The following GRIP1 variants were observed in gnomAD, a reference collection of about 807,000 sequenced individuals.
The protein encoded by GRIP1 is glutamate receptor-interacting protein 1.
A neutral mutation model predicts 129.9 loss-of-function variants in GRIP1; 45 were observed. The ratio of observed to expected loss-of-function variants is 0.35; its 90% confidence interval spans 0.27 to 0.44. The LOEUF is 0.44. Among genes scored for constraint, GRIP1 ranks in the 20% least tolerant of loss-of-function variants. The pLI, the probability that GRIP1 is intolerant of heterozygous loss-of-function variation, is 1.00. For missense variants in GRIP1, 1,196 were observed against 1,396.8 expected (o/e 0.86, Z 2.29); for synonymous variants, 530 against 520.8 (o/e 1.02, Z -0.24).
At chr12:66,845,268 C>T (rs1043980496) in intron 1 of GRIP1, among the ~76,000 whole-genome samples, 3 of 152,078 alleles carry the variant, frequency 2.0e-5, no homozygotes, top group Admixed American at 6.6e-5. Flanking sequence ...ACCAGCCTGG[C>T]CAACATGGTA....
At chr12:66,957,850 T>C (rs1014183979) in intron 1 of GRIP1, among the ~76,000 whole-genome samples, 2 of 152,200 alleles carry the variant, frequency 1.3e-5, no homozygotes, top group East Asian at 1.9e-4. Flanking sequence ...GAAGTCACTA[T>C]GTGTAAACCA....
rs71436016 is a variant in GRIP1 at position 66,602,848 on chromosome 12, C to CTTTTTTTT, written c.56-5929_56-5922dup. On this transcript the variant is annotated intron_variant, in intron 1 of 24. Transcript: ENST00000359742. ...ATTCCTAAAGGGACCAGATCTTTTGCTTTTTTTTTTTTTTTTTTTTTTTTT... is the reference window on the plus strand; with the variant it reads ...ATTCCTAAAGGGACCAGATCTTTTGCTTTTTTTTTTTTTTTTTTTTTTTTTTTTTTTTT... Among the ~76,000 whole-genome samples, 122 of 71,660 alleles carry CTTTTTTTT rather than the reference C, an allele frequency of 1.7e-3. 22 individuals carry two copies. Among genetic ancestry groups the CTTTTTTTT allele is most frequent in the Non-Finnish European group, 2.5e-3 (88 of 35,828 alleles). 47.0% of individuals were successfully genotyped at this position (71,660 alleles called of 152,430 possible). A position where few individuals can be genotyped will look rare whatever the true frequency, so the allele number is the denominator to read the frequency against.
chr12:67,014,880 C>CA (rs1289982967), intron 1 of GRIP1, among the ~76,000 whole-genome samples: 12 of 151,510 alleles, frequency 7.9e-5, no homozygotes, highest in African/African-American at 2.9e-4. Flanking sequence ...ACTGAGTCAT[C>CA]AAAAAAAATC....
At chr12:66,979,222 TAAAAAAAAAAAA>T (rs35306665) in intron 1 of GRIP1, among the ~76,000 whole-genome samples, 708 of 41,480 alleles carry the variant, frequency 0.017, 22 homozygotes, top group African/African-American at 0.051. Context: ...CTTCTCTTCT[TAAAAAAAAAAAA>T]AAAAAAAAAA....
intron 1 of GRIP1, among the ~76,000 whole-genome samples, chr12:66,995,927 G>A (rs1267961449): frequency 6.6e-6 from 1 of 152,096 alleles, no homozygotes; most frequent in African/African-American, 2.4e-5. Context: ...CAACCCAAAT[G>A]TCCGTCAACT....
intron 1 of GRIP1, among the ~76,000 whole-genome samples, chr12:66,829,788 G>T (rs971442605): frequency 1.3e-5 from 2 of 152,080 alleles, no homozygotes; most frequent in Non-Finnish European, 1.5e-5. Context: ...GGTTAGGAAA[G>T]CCTGCAGAGA....
Position 66,714,920 on chromosome 12 carries a change from C to CATCCATCCA in GRIP1, c.-419-84585_-419-84584insTGGATGGAT, listed in dbSNP as rs1555229374. On this transcript the variant is annotated intron_variant, in intron 1 of 4. Coordinates refer to the GRIP1 transcript ENST00000538373. ...CCATCCATCCATCCATCCATCCATC[C>CATCCATCCA]ATCCAATCCAATCCAATCCAATCCA... 3.0e-3 allele frequency among the ~76,000 whole-genome samples: 199 copies of CATCCATCCA among 66,148 alleles called. 1 individual carries two copies. The highest frequency in any genetic ancestry group is 9.5e-3 in the African/African-American group (170 of 17,982). 43.4% of individuals were successfully genotyped at this position (66,148 alleles called of 152,430 possible).
chr12:66,558,369 C>T (rs1360318891), intron 2 of GRIP1, among the ~76,000 whole-genome samples: 2 of 152,072 alleles, frequency 1.3e-5, no homozygotes, highest in South Asian at 2.1e-4. Flanking sequence ...ATCATCAGAT[C>T]CTGTAAGACT....
intron 1 of GRIP1, among the ~76,000 whole-genome samples, chr12:67,052,226 G>C (rs150973159): frequency 6.6e-6 from 1 of 152,222 alleles, no homozygotes; most frequent in African/African-American, 2.4e-5. Context: ...ATGAGAAACT[G>C]GCAAATGTCC....
At chr12:66,972,880 G>C (rs1420914983) in intron 1 of GRIP1, among the ~76,000 whole-genome samples, 1 of 152,204 alleles carries the variant, frequency 6.6e-6, no homozygotes, top group South Asian at 2.1e-4. Context: ...TTAGAGGAGA[G>C]CTTTTAGGGC....
intron 16 of GRIP1, among the ~76,000 whole-genome samples, chr12:66,400,460 A>ATTT (rs1386067425): frequency 6.6e-6 from 1 of 152,186 alleles, no homozygotes; most frequent in Non-Finnish European, 1.5e-5. Context: ...TAGGGGAAAA[A>ATTT]GCTACTGCAA....
chr12:66,484,789 A>T (rs1205442804), intron 7 of GRIP1, among the ~76,000 whole-genome samples: 1 of 152,182 alleles, frequency 6.6e-6, no homozygotes, highest in Non-Finnish European at 1.5e-5. Flanking sequence ...AGTTACCAAC[A>T]CTTTATTGTC....
intron 1 of GRIP1, among the ~76,000 whole-genome samples, chr12:66,863,675 T>C (rs973582284): frequency 6.6e-6 from 1 of 151,896 alleles, no homozygotes; most frequent in Non-Finnish European, 1.5e-5. Context: ...ATAAAAATGA[T>C]AGGAAAGGAG....
At chr12:66,496,297 G>A (rs546853346) in intron 7 of GRIP1, among the ~76,000 whole-genome samples, 39 of 152,266 alleles carry the variant, frequency 2.6e-4, no homozygotes, top group African/African-American at 8.4e-4. Flanking sequence ...GCTGGACCAC[G>A]AATATGGATA....
At chr12:66,372,635 G>A (rs1226725490) in intron 22 of GRIP1, among the ~76,000 whole-genome samples, 1 of 152,078 alleles carries the variant, frequency 6.6e-6, no homozygotes, top group Non-Finnish European at 1.5e-5. Context: ...CAAGCAGTAG[G>A]ACTTGAATTG....
In GRIP1 at chr12:66,606,281, G is replaced by A. The variant is rs376847193; in HGVS notation, c.56-9354C>T. On this transcript the variant is annotated intron_variant, in intron 1 of 24. Transcript: ENST00000359742. The stretch of plus-strand genomic sequence containing the variant: ...CGATGGCAGGAAAAGTAAACCTCAG[G>A]TTGATGTCCCTGGTTGTATGTAAGG... Among the ~76,000 whole-genome samples the A allele has an allele frequency of 2.6e-4, 40 of 152,160 alleles. 1 individual carries two copies. The highest frequency in any genetic ancestry group is 8.9e-4 in the African/African-American group (37 of 41,480).
intron 1 of GRIP1, among the ~76,000 whole-genome samples, chr12:67,041,725 G>A (rs1406671239): frequency 3.3e-5 from 5 of 150,976 alleles, no homozygotes; most frequent in Admixed American, 1.3e-4. Context: ...GGAGGGGGGC[G>A]GAGCTCTGTT....
Position 66,924,604 on chromosome 12 carries a change from GCTAA to G in GRIP1, c.58+144442_58+144445del, listed in dbSNP as rs1018334732. On this transcript the variant is annotated intron_variant, in intron 1 of 1. Transcript: ENST00000643019. ...TTAAGAGTTATCTTGTTCTGAACTG[GCTAA>G]CTGAGAGAACATTGAGAGGTACCAC... Among the ~76,000 whole-genome samples the G allele has an allele frequency of 4.0e-4, 61 of 152,266 alleles. 2 individuals carry two copies. The highest frequency in any genetic ancestry group is 1.3e-3 in the Admixed American group (20 of 15,290).
Position 66,387,852 on chromosome 12 carries a change from T to A in GRIP1, c.2464+4456A>T, listed in dbSNP as rs114415551. On this transcript the variant is annotated intron_variant, in intron 19 of 24. Coordinates refer to ENST00000359742, the MANE Select transcript of GRIP1 (RefSeq NM_001366722.1). ...ACCATTGGGTTTCTACTCTGTGCTA[T>A]CCTCTGTATGATTTGTATTCTTTAA... 6.3e-3 allele frequency among the ~76,000 whole-genome samples: 966 copies of A among 152,338 alleles called. 17 individuals carry two copies. The highest frequency in any genetic ancestry group is 0.022 in the African/African-American group (933 of 41,584).
Sources: gnomAD v4.1 joint callset for allele counts (sites outside exome capture counted in the v4.1 genomes callset) on GRCh38, gnomAD v4.1.1 for gene constraint, MANE v1.5 for transcripts, NCBI Gene and HGNC (gene_info 2026-07-23, HGNC 2026-07-21) for gene names.